Variants in CFAP221 observed in about 807,000 individuals in gnomAD.
CFAP221 encodes cilia- and flagella-associated protein 221.
In CFAP221, 97 loss-of-function variants were observed where a neutral mutation model predicts 113.1. That is an observed-to-expected ratio of 0.86 (90% confidence interval 0.73 to 1.02). The LOEUF is 1.02. Among genes scored for constraint, CFAP221 ranks in the 50% least tolerant of loss-of-function variants. The pLI, the probability that CFAP221 is intolerant of heterozygous loss-of-function variation, is 0.00. For missense variants in CFAP221, 1,025 were observed against 1,013.4 expected (o/e 1.01, Z -0.16); for synonymous variants, 331 against 354.4 (o/e 0.93, Z 0.74).
chr2:119,579,950 A>G (rs1164004922), intron 6 of CFAP221, among the ~76,000 whole-genome samples: 1 of 152,166 alleles, frequency 6.6e-6, no homozygotes, highest in African/African-American at 2.4e-5. Flanking sequence ...TGGCTGCGTG[A>G]GTCCACTGGC....
intron 14 of CFAP221, among the ~76,000 whole-genome samples, chr2:119,622,111 G>A (rs1685966620): frequency 1.3e-5 from 2 of 152,068 alleles, no homozygotes; most frequent in South Asian, 4.1e-4. Flanking sequence ...AAAATAGATA[G>A]ACTGCCAGCC....
intron 5 of CFAP221, among the ~76,000 whole-genome samples, chr2:119,560,479 C>T (rs776464596): frequency 1.3e-5 from 2 of 152,102 alleles, no homozygotes; most frequent in Non-Finnish European, 2.9e-5. Flanking sequence ...GGGGTGGTTC[C>T]GGGAGGTGGG....
chr2:119,616,552 TATCAGG>T (rs1685540514), intron 14 of CFAP221, among the ~76,000 whole-genome samples: 1 of 152,166 alleles, frequency 6.6e-6, no homozygotes, highest in African/African-American at 2.4e-5. Flanking sequence ...GGCTTCCTGT[TATCAGG>T]ATAAAACGAA....
chr2:119,594,075 C>T (rs1683783703), intron 7 of CFAP221, among the ~76,000 whole-genome samples: 1 of 152,102 alleles, frequency 6.6e-6, no homozygotes, highest in Non-Finnish European at 1.5e-5. Flanking sequence ...TTTCTTTTTC[C>T]ATGTGTCTCC....
chr2:119,639,327 C>A (rs1243646374), intron 20 of CFAP221, among the ~76,000 whole-genome samples: 1 of 152,222 alleles, frequency 6.6e-6, no homozygotes, highest in Non-Finnish European at 1.5e-5. Flanking sequence ...GCCACATTCC[C>A]TTCTGCCTCT....
At position 119,562,125 on chromosome 2, in the gene CFAP221, A is replaced by C; in HGVS notation, c.527+11A>C. ...TCTACTTGGTGAAAGGTGAGTTACC[A>C]AAATGTCAACAAAATGTATAGGATG... is the stretch of plus-strand genomic sequence containing the variant. On this transcript the variant is annotated intron_variant, in intron 6 of 23. Transcript: ENST00000413369. The C allele has an allele frequency of 6.7e-7, 1 of 1,499,336 alleles. No homozygotes were observed. The highest frequency in any genetic ancestry group is 9.0e-7 in the Non-Finnish European group (1 of 1,115,552). The allele number at this position is 1,499,336 out of a possible 1,614,324, so 92.9% of individuals were successfully genotyped here. A position where few individuals can be genotyped will look rare whatever the true frequency, so the allele number is the denominator to read the frequency against.
At chr2:119,553,006 A>G (rs1680536548) in intron 3 of CFAP221, among the ~76,000 whole-genome samples, 1 of 152,210 alleles carries the variant, frequency 6.6e-6, no homozygotes, top group Non-Finnish European at 1.5e-5. Flanking sequence ...TTACATGCCA[A>G]ACAAAGTGTT....
chr2:119,580,373 A>G (rs932285919), intron 6 of CFAP221: 1 of 152,208 alleles, frequency 6.6e-6, no homozygotes, highest in African/African-American at 2.4e-5. Flanking sequence ...ATGAGTATAT[A>G]AAGTCTGATG....
chr2:119,619,674 C>A (rs1055438046), intron 14 of CFAP221, among the ~76,000 whole-genome samples: 1 of 152,228 alleles, frequency 6.6e-6, no homozygotes, highest in East Asian at 1.9e-4. Context: ...AACCAGAATA[C>A]CTCCTCTCCT....
chr2:119,552,906 G>A (rs1453667411), intron 3 of CFAP221, among the ~76,000 whole-genome samples: 6 of 151,964 alleles, frequency 3.9e-5, no homozygotes, highest in African/African-American at 1.4e-4. Flanking sequence ...CTCTAACGAA[G>A]TTGTACTCTC....
intron 23 of CFAP221, among the ~76,000 whole-genome samples, chr2:119,654,488 C>T (rs1688315454): frequency 6.6e-6 from 1 of 152,060 alleles, no homozygotes; most frequent in African/African-American, 2.4e-5. Flanking sequence ...TACCTATCTA[C>T]TCACTTGCTC....
chr2:119,638,449 G>A (rs1574208422), intron 20 of CFAP221, 32 bp downstream of exon 20: 1 of 1,613,074 alleles, frequency 6.2e-7, no homozygotes, highest in African/African-American at 1.3e-5. Flanking sequence ...CTGGCAGAGT[G>A]ACCCTGGGCT....
intron 5 of CFAP221, among the ~76,000 whole-genome samples, chr2:119,560,804 T>C (rs1364997017): frequency 2.0e-5 from 3 of 152,156 alleles, no homozygotes; most frequent in African/African-American, 7.2e-5. Flanking sequence ...AAAAAAGTTA[T>C]AAAAATTTGC....
At position 119,639,089 on chromosome 2, in the gene CFAP221, C is replaced by T. The variant is rs144352832; in HGVS notation, c.2133+672C>T. Among the ~76,000 whole-genome samples the T allele has an allele frequency of 2.6e-3, 389 of 152,070 alleles. 2 individuals carry two copies. The highest frequency in any genetic ancestry group is 8.9e-3 in the African/African-American group (371 of 41,530). On this transcript the variant is annotated intron_variant, in intron 20 of 23. Coordinates refer to ENST00000413369, the MANE Select transcript of CFAP221 (RefSeq NM_001271049.2). ...TAACCACCCCGGGGGGGTGGGGGGG[C>T]GGGCACCGGTGTGCCACTGACACAC...
intron 23 of CFAP221, among the ~76,000 whole-genome samples, chr2:119,653,876 C>A (rs566794895): frequency 3.9e-5 from 6 of 152,048 alleles, no homozygotes; most frequent in East Asian, 1.9e-4. Flanking sequence ...TATTTTAATT[C>A]TTTGTTTACA....
At chr2:119,564,587 T>G (rs1332125235) in intron 6 of CFAP221, among the ~76,000 whole-genome samples, 1 of 152,218 alleles carries the variant, frequency 6.6e-6, no homozygotes, top group Non-Finnish European at 1.5e-5. Flanking sequence ...ATACATTGTT[T>G]AGCTTTGCCA....
At chr2:119,654,343 T>C (rs1265489539) in intron 23 of CFAP221, among the ~76,000 whole-genome samples, 1 of 152,182 alleles carries the variant, frequency 6.6e-6, no homozygotes, top group African/African-American at 2.4e-5. Context: ...CCTCAACACA[T>C]AGATGCACTT....
chr2:119,612,234 A>G (rs530349876), intron 13 of CFAP221, among the ~76,000 whole-genome samples: 1 of 152,332 alleles, frequency 6.6e-6, no homozygotes, highest in East Asian at 1.9e-4. Context: ...CCACCTGATT[A>G]TCTCTGTCTT....
At chr2:119,638,918 T>G (rs1198329419) in intron 20 of CFAP221, among the ~76,000 whole-genome samples, 1 of 151,856 alleles carries the variant, frequency 6.6e-6, no homozygotes, top group Non-Finnish European at 1.5e-5. Context: ...AACCCTTAAC[T>G]CAGATTATGA....
Sources: allele counts gnomAD v4.1 joint callset (sites outside exome capture counted in the v4.1 genomes callset), GRCh38; gene constraint gnomAD v4.1.1; transcripts MANE v1.5; gene names NCBI Gene and HGNC (gene_info 2026-07-23, HGNC 2026-07-21).